The following CXCL13 variants were observed in gnomAD, a reference collection of about 807,000 sequenced individuals.
The protein encoded by CXCL13 is C-X-C motif chemokine 13.
In CXCL13, 7 loss-of-function variants were observed where a neutral mutation model predicts 12.2. The observed-to-expected ratio is 0.57, with a 90% CI of 0.33 to 1.07. The LOEUF (loss-of-function observed/expected upper bound fraction) is 1.07. Among genes scored for constraint, CXCL13 ranks in the 50% least tolerant of loss-of-function variants. CXCL13 has a pLI of 0.04. For synonymous variants in CXCL13, 47 were observed against 42.4 expected, an observed-to-expected ratio of 1.11 and a Z score of -0.42; for missense variants, 113 against 127.4, an observed-to-expected ratio of 0.89 and a Z score of 0.55.
chr4:77,532,510 G>C (rs1256164824), intron 1 of CXCL13, among the ~76,000 whole-genome samples: 1 of 152,096 alleles, frequency 6.6e-6, no homozygotes, highest in African/African-American at 2.4e-5. Context: ...TGGTGAATCT[G>C]ACAATTCTGT....
intron 1 of CXCL13, among the ~76,000 whole-genome samples, chr4:77,523,517 G>A (rs1724673245): frequency 6.6e-6 from 1 of 152,136 alleles, no homozygotes; most frequent in African/African-American, 2.4e-5. Context: ...ACTGAAGCTT[G>A]TGCATGCATC....
At chr4:77,515,078 G>T (rs572506035) in intron 1 of CXCL13, among the ~76,000 whole-genome samples, 32 of 152,198 alleles carry the variant, frequency 2.1e-4, no homozygotes, top group South Asian at 4.1e-4. Context: ...TTTCCCCATT[G>T]CTTGTTTTTG....
intron 1 of CXCL13, among the ~76,000 whole-genome samples, chr4:77,553,674 C>T (rs1301584870): frequency 6.6e-6 from 1 of 152,176 alleles, no homozygotes; most frequent in Non-Finnish European, 1.5e-5. Flanking sequence ...TCCCTGGGAT[C>T]TGGGGTTTCC....
chr4:77,579,542 A>G (rs1726269500), intron 1 of CXCL13, among the ~76,000 whole-genome samples: 2 of 152,136 alleles, frequency 1.3e-5, no homozygotes, highest in Non-Finnish European at 2.9e-5. Context: ...AAGTCTAGTA[A>G]TCCCTATTAG....
chr4:77,570,890 C>A (rs1164428153), intron 1 of CXCL13, among the ~76,000 whole-genome samples: 4 of 152,016 alleles, frequency 2.6e-5, no homozygotes, highest in Non-Finnish European at 5.9e-5. Context: ...CGGGCCTTAG[C>A]TGCCTTCCCA....
chr4:77,589,465 T>G (rs894293155), intron 1 of CXCL13, among the ~76,000 whole-genome samples: 1 of 152,206 alleles, frequency 6.6e-6, no homozygotes, highest in African/African-American at 2.4e-5. Context: ...TGCTGGCATA[T>G]TGTTATAATT....
intron 1 of CXCL13, among the ~76,000 whole-genome samples, chr4:77,546,881 C>T (rs181616393): frequency 4.3e-4 from 66 of 152,298 alleles, no homozygotes; most frequent in African/African-American, 1.5e-3. Context: ...GCATTTAGTG[C>T]TATAAATTTC....
intron 1 of CXCL13, among the ~76,000 whole-genome samples, 194 bp from the exon 2 acceptor site, chr4:77,607,509 A>C (rs1420296142): frequency 6.6e-6 from 1 of 152,170 alleles, no homozygotes; most frequent in Non-Finnish European, 1.5e-5. Context: ...TTATTTTTAA[A>C]GTTTTGGTAG....
At chr4:77,576,542 A>G (rs534135808) in intron 1 of CXCL13, among the ~76,000 whole-genome samples, 2 of 152,312 alleles carry the variant, frequency 1.3e-5, no homozygotes, top group South Asian at 2.1e-4. Flanking sequence ...TGTTTACACC[A>G]TCCTTGTCCA....
At chr4:77,564,887 C>A (rs1312094627) in intron 1 of CXCL13, among the ~76,000 whole-genome samples, 1 of 152,150 alleles carries the variant, frequency 6.6e-6, no homozygotes, top group Non-Finnish European at 1.5e-5. Context: ...CAAAGTTCCC[C>A]ATTTCTTCAG....
intron 1 of CXCL13, among the ~76,000 whole-genome samples, chr4:77,576,026 C>T (rs1726190553): frequency 6.6e-6 from 1 of 151,758 alleles, no homozygotes; most frequent in Non-Finnish European, 1.5e-5. Context: ...CATTTTGCTA[C>T]TCACAGAAAA....
chr4:77,579,809 T>C (rs1318209388), intron 1 of CXCL13, among the ~76,000 whole-genome samples: 22 of 152,200 alleles, frequency 1.4e-4, no homozygotes, highest in Non-Finnish European at 1.5e-5. Context: ...ACCCCAAATG[T>C]GTTAGCGCTA....
At chr4:77,534,598 TATTTC>T (rs948282426) in intron 1 of CXCL13, among the ~76,000 whole-genome samples, 3 of 152,256 alleles carry the variant, frequency 2.0e-5, no homozygotes, top group African/African-American at 7.2e-5. Flanking sequence ...TTCTGGGTAT[TATTTC>T]AGTTGAATAT....
intron 1 of CXCL13, among the ~76,000 whole-genome samples, chr4:77,600,019 C>T (rs1337562701): frequency 6.6e-6 from 1 of 151,964 alleles, no homozygotes; most frequent in Non-Finnish European, 1.5e-5. Flanking sequence ...GGTTTTTAAG[C>T]AAATTTTTGA....
chr4:77,526,969 T>A (rs546925503), intron 1 of CXCL13, among the ~76,000 whole-genome samples: 11 of 152,270 alleles, frequency 7.2e-5, no homozygotes, highest in African/African-American at 2.6e-4. Flanking sequence ...TGGAACATGG[T>A]AGGCAATTTG....
At chr4:77,571,718 G>T (rs1422243095) in intron 1 of CXCL13, among the ~76,000 whole-genome samples, 1 of 151,764 alleles carries the variant, frequency 6.6e-6, no homozygotes, top group Non-Finnish European at 1.5e-5. Flanking sequence ...AAAGCAGGCT[G>T]CCGGAGCCAG....
chr4:77,548,566 A>C (rs920966471), intron 1 of CXCL13, among the ~76,000 whole-genome samples: 3 of 152,232 alleles, frequency 2.0e-5, no homozygotes, highest in African/African-American at 7.2e-5. Flanking sequence ...TAATTAGTAC[A>C]TGAGAAAAAG....
intron 1 of CXCL13, among the ~76,000 whole-genome samples, chr4:77,556,756 A>G (rs1482104314): frequency 6.6e-6 from 1 of 152,202 alleles, no homozygotes; most frequent in African/African-American, 2.4e-5. Context: ...ATGGGAAACA[A>G]GATTGGGCAC....
chr4:77,582,362 C>T (rs1726357943), intron 1 of CXCL13, among the ~76,000 whole-genome samples: 1 of 152,150 alleles, frequency 6.6e-6, no homozygotes, highest in Non-Finnish European at 1.5e-5. Context: ...TCTTAAGAGA[C>T]CATGCAATAA....
Sources: gnomAD v4.1 joint callset for allele counts (sites outside exome capture counted in the v4.1 genomes callset) on GRCh38, gnomAD v4.1.1 for gene constraint, MANE v1.5 for transcripts, NCBI Gene and HGNC (gene_info 2026-07-23, HGNC 2026-07-21) for gene names.